The following IL17B variants were observed in gnomAD, a reference collection of about 807,000 sequenced individuals.
IL17B encodes interleukin 17B.
In IL17B, 14 loss-of-function variants were observed where a neutral mutation model predicts 14.7. The observed-to-expected ratio is 0.95, with a 90% CI of 0.63 to 1.49. The LOEUF (loss-of-function observed/expected upper bound fraction) is 1.49. Among genes scored for constraint, IL17B ranks in the 40% most tolerant of loss-of-function variants. The probability of loss-of-function intolerance (pLI) is 0.00; values close to 1 mark genes in which losing one functional copy is unlikely to be tolerated. For missense variants in IL17B, 233 were observed against 252.8 expected, an observed-to-expected ratio of 0.92 and a Z score of 0.53; for synonymous variants, 105 against 94.8, an observed-to-expected ratio of 1.11 and a Z score of -0.62.
At chr5:149,402,038 A>G (rs1020394433) in intron 1 of IL17B, among the ~76,000 whole-genome samples, 2 of 152,182 alleles carry the variant, frequency 1.3e-5, no homozygotes, top group African/African-American at 4.8e-5. Context: ...TGTGCTGGTG[A>G]TAGCAGGAAG....
At chr5:149,397,560 C>T (rs1222707196) in intron 1 of IL17B, among the ~76,000 whole-genome samples, 3 of 152,194 alleles carry the variant, frequency 2.0e-5, no homozygotes, top group Non-Finnish European at 4.4e-5. Flanking sequence ...AGATCCCTTC[C>T]ATTGTGTTGT....
At chr5:149,382,261 G>A (rs559958017), upstream of IL17B, among the ~76,000 whole-genome samples, 46 of 152,248 alleles carry the variant, frequency 3.0e-4, 1 homozygote, top group Admixed American at 1.3e-3. Flanking sequence ...CATCAGAGCC[G>A]GCCAGGAATG....
chr5:149,397,413 C>G (rs184933222), intron 1 of IL17B, among the ~76,000 whole-genome samples: 1 of 152,204 alleles, frequency 6.6e-6, no homozygotes, highest in Non-Finnish European at 1.5e-5. Flanking sequence ...AGGTGATCCA[C>G]CCGCCTTGGC....
chr5:149,392,955 TGTGCGTGTGTGTGCGCGC>T (rs1478783216), intron 1 of IL17B, among the ~76,000 whole-genome samples: 1 of 150,656 alleles, frequency 6.6e-6, no homozygotes, highest in Non-Finnish European at 1.5e-5. Context: ...TGCGTGCGTG[TGTGCGTGTGTGTGCGCGC>T]GTGCGTGTGT....
At chr5:149,397,031 T>G (rs540660098) in intron 1 of IL17B, among the ~76,000 whole-genome samples, 3 of 152,222 alleles carry the variant, frequency 2.0e-5, no homozygotes, top group Non-Finnish European at 4.4e-5. Context: ...ATATTTGAAA[T>G]ACTCTCTGCA....
chr5:149,391,427 C>T (rs1758951054), intron 1 of IL17B, among the ~76,000 whole-genome samples: 1 of 152,232 alleles, frequency 6.6e-6, no homozygotes, highest in Admixed American at 6.5e-5. Context: ...GGCACAAAGT[C>T]TCTTTCCTTT....
At chr5:149,401,954 G>A (rs1007264927) in intron 1 of IL17B, among the ~76,000 whole-genome samples, 3 of 152,164 alleles carry the variant, frequency 2.0e-5, no homozygotes, top group Admixed American at 1.3e-4. Context: ...ACGGTCACAT[G>A]TGTTACCCTG....
At chr5:149,387,411 C>A (rs1314234753) in intron 1 of IL17B, among the ~76,000 whole-genome samples, 1 of 152,162 alleles carries the variant, frequency 6.6e-6, no homozygotes, top group Non-Finnish European at 1.5e-5. Context: ...CAAGGACCCA[C>A]GCAGATGCTG....
upstream of IL17B, among the ~76,000 whole-genome samples, chr5:149,381,795 G>C (rs1268373542): frequency 6.6e-6 from 1 of 152,190 alleles, no homozygotes; most frequent in Non-Finnish European, 1.5e-5. Context: ...TTGATGTCCT[G>C]AGTGTGAACC....
At chr5:149,401,652 G>A (rs1286995893) in intron 1 of IL17B, among the ~76,000 whole-genome samples, 2 of 152,206 alleles carry the variant, frequency 1.3e-5, no homozygotes, top group Non-Finnish European at 2.9e-5. Context: ...GGCTGAGGGA[G>A]GCTGAGGGAG....
At chr5:149,384,152 A>G (rs1310636364), upstream of IL17B, among the ~76,000 whole-genome samples, 1 of 152,190 alleles carries the variant, frequency 6.6e-6, no homozygotes, top group African/African-American at 2.4e-5. Context: ...GTTGTTGAAA[A>G]TAATTATAAT....
chr5:149,383,895 C>G (rs1758763299), upstream of IL17B, among the ~76,000 whole-genome samples: 1 of 152,186 alleles, frequency 6.6e-6, no homozygotes, highest in Admixed American at 6.5e-5. Flanking sequence ...ACTGGGTCGC[C>G]TAGGCCTCTC....
chr5:149,391,129 G>A (rs1392858661), intron 1 of IL17B, among the ~76,000 whole-genome samples: 2 of 152,168 alleles, frequency 1.3e-5, no homozygotes, highest in African/African-American at 4.8e-5. Context: ...ATCATCCCCA[G>A]CTAATTTTTG....
intron 1 of IL17B, among the ~76,000 whole-genome samples, chr5:149,389,367 T>C (rs1364885178): frequency 6.6e-6 from 1 of 152,198 alleles, no homozygotes; most frequent in African/African-American, 2.4e-5. Flanking sequence ...AAACTTTGCT[T>C]GATATAAAAC....
intron 1 of IL17B, among the ~76,000 whole-genome samples, chr5:149,392,266 T>C (rs1198155513): frequency 3.9e-5 from 6 of 152,264 alleles, no homozygotes; most frequent in Non-Finnish European, 8.8e-5. Flanking sequence ...TTCTATCTTT[T>C]CTAATTTCTA....
At chr5:149,389,124 G>C (rs1467913653) in intron 1 of IL17B, among the ~76,000 whole-genome samples, 1 of 152,214 alleles carries the variant, frequency 6.6e-6, no homozygotes, top group African/African-American at 2.4e-5. Flanking sequence ...TCTTTCCACT[G>C]TTCCTTGCTT....
rs565244363 is a variant in IL17B, at chr5:149,398,007, C to T, written n.95+6101G>A. Reference sequence around the variant, plus strand: ...TACCTATTCCACTCAGACCCACACACAGATCTCCTCTAGAAACACCCTCAC... The same window carrying T: ...TACCTATTCCACTCAGACCCACACATAGATCTCCTCTAGAAACACCCTCAC... On this transcript the variant is annotated intron_variant and non_coding_transcript_variant, in intron 1 of 2. Transcript: ENST00000505432. 2.0e-5 allele frequency among the ~76,000 whole-genome samples: 3 copies of T among 152,292 alleles called. No individual in the cohort carries two copies. The South Asian group carries it at 6.2e-4, about 32-fold the overall frequency.
intron 1 of IL17B, among the ~76,000 whole-genome samples, chr5:149,401,968 T>C (rs1193247488): frequency 6.6e-6 from 1 of 152,198 alleles, no homozygotes; most frequent in Non-Finnish European, 1.5e-5. Flanking sequence ...TACCCTGCAC[T>C]GTTCAGGGTG....
At chr5:149,403,475 A>G (rs1370280399) in intron 1 of IL17B, among the ~76,000 whole-genome samples, 3 of 152,222 alleles carry the variant, frequency 2.0e-5, no homozygotes, top group Non-Finnish European at 2.9e-5. Context: ...CTAATTGTCC[A>G]TATTCCCACC....
Sources: allele counts gnomAD v4.1 joint callset (sites outside exome capture counted in the v4.1 genomes callset), GRCh38; gene constraint gnomAD v4.1.1; transcripts MANE v1.5; gene names NCBI Gene and HGNC (gene_info 2026-07-23, HGNC 2026-07-21).